Variants in DSCAML1 observed in about 807,000 individuals in gnomAD.
The protein encoded by DSCAML1 is cell adhesion molecule DSCAML1.
A neutral mutation model predicts 200.5 loss-of-function variants in DSCAML1; 38 were observed. The ratio of observed to expected loss-of-function variants is 0.19; its 90% CI spans 0.15 to 0.25. The LOEUF is 0.25. Ranked by LOEUF, DSCAML1 falls within the 10% of genes least tolerant of loss-of-function variation. DSCAML1 has a pLI of 1.00. For synonymous variants in DSCAML1, 1,215 were observed against 1,165.0 expected (o/e 1.04, Z -0.87); for missense variants, 2,223 against 2,858.8 (o/e 0.78, Z 5.07).
chr11:117,519,783 G>A (rs2049851659), intron 6 of DSCAML1, among the ~76,000 whole-genome samples: 1 of 152,222 alleles, frequency 6.6e-6, no homozygotes, highest in South Asian at 2.1e-4. Flanking sequence ...TTGCATCACT[G>A]CACTCCAGCC....
At chr11:117,502,313 C>G (rs964319759) in intron 11 of DSCAML1, among the ~76,000 whole-genome samples, 20 of 152,176 alleles carry the variant, frequency 1.3e-4, no homozygotes, top group Non-Finnish European at 2.9e-5. Flanking sequence ...AATCCCCCAA[C>G]TTAAAGGAAA....
intron 3 of DSCAML1, among the ~76,000 whole-genome samples, chr11:117,593,218 C>T (rs959566927): frequency 1.3e-5 from 2 of 152,244 alleles, no homozygotes; most frequent in Non-Finnish European, 2.9e-5. Flanking sequence ...GTCACAGACT[C>T]ACAGGCTCAG....
At chr11:117,510,345 T>A (rs1372653375) in intron 8 of DSCAML1, among the ~76,000 whole-genome samples, 3 of 152,204 alleles carry the variant, frequency 2.0e-5, no homozygotes, top group Admixed American at 6.5e-5. Context: ...TTTAAGTGAC[T>A]GTGGGCAAGG....
chr11:117,615,253 AG>A (rs1565827743), intron 3 of DSCAML1, among the ~76,000 whole-genome samples: 1 of 151,726 alleles, frequency 6.6e-6, no homozygotes, highest in Non-Finnish European at 1.5e-5. Flanking sequence ...TGAAAATAAA[AG>A]AAAACACTCT....
intron 3 of DSCAML1, among the ~76,000 whole-genome samples, chr11:117,569,306 A>G (rs66838315): frequency 0.23 from 35,450 of 152,186 alleles, 4,378 homozygotes; most frequent in Non-Finnish European, 0.26. Context: ...GGACATAGGC[A>G]TGGGCAAGGA....
chr11:117,796,296 G>C (rs1278723078), intron 1 of DSCAML1, among the ~76,000 whole-genome samples: 1 of 152,230 alleles, frequency 6.6e-6, no homozygotes, highest in Non-Finnish European at 1.5e-5. Flanking sequence ...TTGTCCCCAG[G>C]TCCAACTGGC....
At chr11:117,510,559 A>G (rs564504391) in intron 8 of DSCAML1, among the ~76,000 whole-genome samples, 1 of 152,202 alleles carries the variant, frequency 6.6e-6, no homozygotes, top group South Asian at 2.1e-4. Context: ...TGAAATTGCA[A>G]ACCCCGTCTC....
intron 3 of DSCAML1, among the ~76,000 whole-genome samples, chr11:117,675,974 G>T (rs949177153): frequency 2.0e-5 from 3 of 152,146 alleles, no homozygotes; most frequent in African/African-American, 7.2e-5. Flanking sequence ...TGGGGGCTGG[G>T]GATGTGAAGG....
At chr11:117,795,577 C>T (rs957108690) in intron 1 of DSCAML1, among the ~76,000 whole-genome samples, 4 of 152,050 alleles carry the variant, frequency 2.6e-5, no homozygotes, top group African/African-American at 9.7e-5. Context: ...CCGGGGGACC[C>T]CACTGGGCCT....
intron 3 of DSCAML1, among the ~76,000 whole-genome samples, chr11:117,754,767 C>G (rs572543769): frequency 6.6e-6 from 1 of 152,084 alleles, no homozygotes; most frequent in Non-Finnish European, 1.5e-5. Context: ...TCTTCAGTGC[C>G]GTGCTGCCTC....
chr11:117,490,513 A>G (rs1455221229), intron 11 of DSCAML1, among the ~76,000 whole-genome samples: 3 of 152,066 alleles, frequency 2.0e-5, no homozygotes, highest in African/African-American at 4.8e-5. Flanking sequence ...GCACCCCCAG[A>G]TCCCCGCTTC....
intron 8 of DSCAML1, among the ~76,000 whole-genome samples, chr11:117,507,516 T>G (rs2049525426): frequency 6.6e-6 from 1 of 152,212 alleles, no homozygotes; most frequent in Non-Finnish European, 1.5e-5. Flanking sequence ...GAGTTCTTGA[T>G]CAGGAGCTCT....
intron 3 of DSCAML1, among the ~76,000 whole-genome samples, chr11:117,692,437 C>A (rs952060097): frequency 9.2e-5 from 14 of 152,100 alleles, no homozygotes; most frequent in Non-Finnish European, 5.9e-5. Flanking sequence ...CATCCCTCCC[C>A]CAAACACACT....
At chr11:117,810,799 G>T (rs566599420) in intron 1 of DSCAML1, among the ~76,000 whole-genome samples, 109 of 152,212 alleles carry the variant, frequency 7.2e-4, no homozygotes, top group Middle Eastern at 6.8e-3. Context: ...GGTGCCTGAC[G>T]TCCACGCATT....
rs2049460944 is a variant in DSCAML1 at position 117,504,777 on chromosome 11, G to A, written c.2182+147C>T. The A allele has an allele frequency of 3.4e-6, 4 of 1,160,480 alleles. No individual in the cohort carries two copies. The highest frequency in any genetic ancestry group is 4.5e-6 in the Non-Finnish European group (4 of 882,044). 71.9% of individuals were successfully genotyped at this position (1,160,480 alleles called of 1,614,324 possible). A position where few individuals can be genotyped will look rare whatever the true frequency, so the allele number is the denominator to read the frequency against. The stretch of plus-strand genomic sequence containing the variant: ...GGCTGAGGATGACTCCAGGTGAGGT[G>A]TAGCCTGGGGTCCACTGGGGTGCAG... On this transcript the variant is annotated intron_variant, in intron 10 of 32. Coordinates refer to ENST00000651296, the MANE Select transcript of DSCAML1 (RefSeq NM_020693.4). This position sits in a 1 kb window ranked among gnomAD's most constrained non-coding sequence, Gnocchi z 5.0.
chr11:117,531,900 AAAGGG>A (rs1378321944), intron 4 of DSCAML1, among the ~76,000 whole-genome samples: 15 of 116,054 alleles, frequency 1.3e-4, no homozygotes, highest in African/African-American at 4.3e-4. Context: ...AAAAAGAAAG[AAAGGG>A]AAGGGAAGGA....
chr11:117,803,698 G>T (rs1192926868), intron 1 of DSCAML1, among the ~76,000 whole-genome samples: 1 of 152,156 alleles, frequency 6.6e-6, no homozygotes, highest in Non-Finnish European at 1.5e-5. Flanking sequence ...CTGGATTCTG[G>T]TCAGGGCTCC....
intron 3 of DSCAML1, among the ~76,000 whole-genome samples, chr11:117,701,566 A>G (rs1241941784): frequency 1.3e-5 from 2 of 152,184 alleles, no homozygotes; most frequent in Non-Finnish European, 2.9e-5. Context: ...GCTGGGGAAG[A>G]GCCACGAGGG....
chr11:117,430,678 A>AG (rs1565669428), intron 32 of DSCAML1, 44 bp downstream of exon 32: 1 of 1,508,788 alleles, frequency 6.6e-7, no homozygotes, highest in East Asian at 2.5e-5. Flanking sequence ...GGCTGGGGCC[A>AG]GGGGGCGGGG....
Sources: allele counts gnomAD v4.1 joint callset (sites outside exome capture counted in the v4.1 genomes callset), GRCh38; gene constraint gnomAD v4.1.1; non-coding constraint Gnocchi (gnomAD v3.1); transcripts MANE v1.5; gene names NCBI Gene and HGNC (gene_info 2026-07-23, HGNC 2026-07-21).